Variants in PRRG2 observed in about 807,000 individuals in gnomAD.
The protein encoded by PRRG2 is proline rich and Gla domain 2.
In PRRG2, 23 loss-of-function variants were observed where a neutral mutation model predicts 27.1. The observed-to-expected ratio is 0.85, with a 90% CI of 0.61 to 1.20. PRRG2 has a LOEUF of 1.20. Ranked by LOEUF, PRRG2 falls within the 50% of genes most tolerant of loss-of-function variation. PRRG2 has a pLI of 0.00. For synonymous variants in PRRG2, 104 were observed against 103.4 expected, an observed-to-expected ratio of 1.01 and a Z score of -0.03; for missense variants, 276 against 254.8, an observed-to-expected ratio of 1.08 and a Z score of -0.57.
At chr19:49,584,585 C>A (rs1347508163) in intron 4 of PRRG2, among the ~76,000 whole-genome samples, 1 of 152,200 alleles carries the variant, frequency 6.6e-6, no homozygotes, top group Non-Finnish European at 1.5e-5. Flanking sequence ...CTTCCCACCT[C>A]AGCCTCCTGA....
At chr19:49,587,846 T>C (rs1308252477) in intron 4 of PRRG2, among the ~76,000 whole-genome samples, 1 of 152,140 alleles carries the variant, frequency 6.6e-6, no homozygotes, top group Non-Finnish European at 1.5e-5. Context: ...CTCAAACTCC[T>C]GACCTCAAGT....
chr19:49,582,675 G>T (rs923634110), intron 1 of PRRG2, among the ~76,000 whole-genome samples: 6 of 151,994 alleles, frequency 3.9e-5, no homozygotes, highest in Non-Finnish European at 8.8e-5. Context: ...AGACCATCCT[G>T]ACTAACACAG....
At chr19:49,584,278 C>A (rs2080652138) in intron 4 of PRRG2, among the ~76,000 whole-genome samples, 1 of 150,800 alleles carries the variant, frequency 6.6e-6, no homozygotes, top group African/African-American at 2.4e-5. Context: ...TCACGCCATT[C>A]TCCTGCCTCA....
rs997653555 is a variant in PRRG2, at chr19:49,590,744, C to T, written c.*355C>T. The T allele has an allele frequency of 4.6e-5, 16 of 350,064 alleles. No homozygotes were observed. Among genetic ancestry groups the T allele is most frequent in the Non-Finnish European group, 8.1e-5 (15 of 186,164 alleles). 21.7% of individuals were successfully genotyped at this position (350,064 alleles called of 1,614,324 possible). ...GTATGGGCAGATATGACCTGACAGCCCCCTCCAGTGCCACAGGGTACGCAC... is the reference window on the plus strand; with the variant it reads ...GTATGGGCAGATATGACCTGACAGCTCCCTCCAGTGCCACAGGGTACGCAC... On this transcript the variant is annotated 3_prime_UTR_variant, in exon 7 of 7. Transcript: ENST00000246794.
chr19:49,590,307 C>T (rs2080709528), intron 6 of PRRG2, 64 bp from the exon 7 acceptor site: 1 of 1,612,084 alleles, frequency 6.2e-7, no homozygotes. Flanking sequence ...CGGAGTGGTC[C>T]TGGTTGAAGG....
intron 4 of PRRG2, among the ~76,000 whole-genome samples, chr19:49,586,871 A>AT (rs2080674413): frequency 6.6e-6 from 1 of 151,696 alleles, no homozygotes; most frequent in Non-Finnish European, 1.5e-5. Flanking sequence ...AAAAACCAAC[A>AT]TTTTTTCCCC....
At position 49,583,551 on chromosome 19, in the gene PRRG2, T is replaced by C; in HGVS notation, c.95T>C (p.Leu32Pro). The part of the protein sequence containing the change: ...PSEETDQEVF[L>P]GPPEAQSFLS... Reference sequence around the variant, plus strand: ...ATGTCTTTGGGTCCAGAAGTCTTCCTGGGTCCCCCAGAGGCCCAGAGCTTC... The same window carrying C: ...ATGTCTTTGGGTCCAGAAGTCTTCCCGGGTCCCCCAGAGGCCCAGAGCTTC... Residue 32 changes from leucine (L) to proline (P), a missense_variant, in exon 3 of 7, where the codon CTG becomes CCG. By Grantham distance (98) the Leu-to-Pro change is moderately conservative. Coordinates refer to ENST00000246794, the MANE Select transcript of PRRG2 (RefSeq NM_000951.3). 6.2e-7 allele frequency: 1 copy of C among 1,614,126 alleles called. No homozygotes were observed. Among genetic ancestry groups the C allele is most frequent in the East Asian group, 2.2e-5 (1 of 44,890 alleles).
At chr19:49,589,383 C>A (rs2080696991) in intron 5 of PRRG2, among the ~76,000 whole-genome samples, 1 of 151,142 alleles carries the variant, frequency 6.6e-6, no homozygotes, top group African/African-American at 2.4e-5. Context: ...GCCTTGGCCT[C>A]CCAAAGTGCT....
chr19:49,584,571 C>T (rs1047407839), intron 4 of PRRG2, among the ~76,000 whole-genome samples: 6 of 152,278 alleles, frequency 3.9e-5, no homozygotes, highest in African/African-American at 1.4e-4. Context: ...CGGGCTCAAG[C>T]GATCTTCCCA....
Position 49,583,900 on chromosome 19 carries a change from C to T in PRRG2, c.262-13C>T, listed in dbSNP as rs1381399237. ...TGCTTTTTCCCCTTCTTTTCCACTC[C>T]TTCCCCCTCAAGGAGCGCTTTTGGG... is the stretch of plus-strand genomic sequence containing the variant. On this transcript the variant is annotated splice_polypyrimidine_tract_variant and intron_variant, in intron 3 of 6. Coordinates refer to ENST00000246794, the MANE Select transcript of PRRG2 (RefSeq NM_000951.3). The T allele has an allele frequency of 1.9e-6, 3 of 1,613,650 alleles. No homozygotes were observed. The African/African-American group carries it at 4.0e-5, about 22-fold the overall frequency.
At chr19:49,583,387 C>G in intron 2 of PRRG2, 83 bp downstream of exon 2, 1 of 1,536,022 alleles carries the variant, frequency 6.5e-7, no homozygotes, top group East Asian at 2.2e-5. Flanking sequence ...CTTCCTCTTC[C>G]AGGAGTCCAG....
intron 4 of PRRG2, among the ~76,000 whole-genome samples, chr19:49,586,609 T>C (rs962427086): frequency 3.5e-4 from 54 of 152,142 alleles, no homozygotes; most frequent in Admixed American, 9.2e-4. Flanking sequence ...TCCCAGCACT[T>C]TGGGAGGCCA....
intron 6 of PRRG2, 134 bp from the exon 7 acceptor site, chr19:49,590,237 T>C: frequency 6.8e-7 from 1 of 1,467,474 alleles, no homozygotes; most frequent in Non-Finnish European, 9.5e-7. Flanking sequence ...TGTGGAGCCG[T>C]ATAGGAGGGT....
intron 5 of PRRG2, 135 bp downstream of exon 5, chr19:49,588,767 G>A: frequency 7.8e-6 from 9 of 1,154,934 alleles, no homozygotes; most frequent in Non-Finnish European, 9.3e-6. Context: ...CATTTGGAGA[G>A]TGAGTCTGTG....
At position 49,590,367 on chromosome 19, in the gene PRRG2, G is replaced by T. The variant is rs374269206; in HGVS notation, c.591-4G>T. On this transcript the variant is annotated splice_region_variant and splice_polypyrimidine_tract_variant and intron_variant, in intron 6 of 6. Coordinates refer to ENST00000246794, the MANE Select transcript of PRRG2 (RefSeq NM_000951.3). ...GACTCCCTAGTGTGCCTTTCCTCTT[G>T]CAGCCTCAGGAGGCCTCACTGAAGA... is the stretch of plus-strand genomic sequence containing the variant. The T allele has an allele frequency of 3.1e-6, 5 of 1,614,010 alleles. No homozygotes were observed. The highest frequency in any genetic ancestry group is 4.2e-6 in the Non-Finnish European group (5 of 1,180,018).
chr19:49,588,607 C>G lies in PRRG2; in HGVS notation c.412C>G (p.Arg138Gly), dbSNP rs773057537. 6.5e-7 allele frequency: 1 copy of G among 1,545,496 alleles called. No homozygotes were observed. The highest frequency in any genetic ancestry group is 1.2e-5 in the South Asian group (1 of 83,780). Residue 138 changes from arginine (R) to glycine (G), a missense_variant, in exon 5 of 7, where the codon CGA (arginine) becomes GGA (glycine). Transcript: ENST00000246794. ...AFWYLRWRQH[R>G]GQQPCPQEAG... ...TTGGTATCTGCGCTGGCGACAGCACCGAGGCCAGCAGCCCTGTCCCCAAGA... is the reference window on the plus strand; with the variant it reads ...TTGGTATCTGCGCTGGCGACAGCACGGAGGCCAGCAGCCCTGTCCCCAAGA...
Position 49,590,176 on chromosome 19 carries a change from C to T in PRRG2, c.590+124C>T, listed in dbSNP as rs1005564766. ...CTTACCTGGGGCGGGGCTTGGAGTG[C>T]GGGGGCGGGGCCCCATGCAATGGTC... On this transcript the variant is annotated intron_variant, in intron 6 of 6. Coordinates refer to ENST00000246794, the MANE Select transcript of PRRG2 (RefSeq NM_000951.3). 3.8e-6 allele frequency: 5 copies of T among 1,304,202 alleles called. No homozygotes were observed. The East Asian group carries it at 7.1e-5, about 19-fold the overall frequency. 80.8% of individuals were successfully genotyped at this position (1,304,202 alleles called of 1,614,324 possible).
Position 49,590,472 on chromosome 19 carries a change from C to G in PRRG2, c.*83C>G. 1 of 1,578,772 alleles carries G rather than the reference C, an allele frequency of 6.3e-7. No homozygotes were observed. Among genetic ancestry groups the G allele is most frequent in the South Asian group, 1.1e-5 (1 of 90,082 alleles). On this transcript the variant is annotated 3_prime_UTR_variant, in exon 7 of 7. Coordinates refer to ENST00000246794, the MANE Select transcript of PRRG2 (RefSeq NM_000951.3). Reference sequence around the variant, plus strand: ...GGAAGCCGCTAGGCCTCATAGACGCCGAAGCTGGACTTGGAGTGGGGAATG... The same window carrying G: ...GGAAGCCGCTAGGCCTCATAGACGCGGAAGCTGGACTTGGAGTGGGGAATG...
intron 4 of PRRG2, among the ~76,000 whole-genome samples, chr19:49,587,392 T>A (rs919850757): frequency 7.2e-6 from 1 of 138,804 alleles, no homozygotes; most frequent in Non-Finnish European, 1.5e-5. Flanking sequence ...GGGCAGTGAG[T>A]GGCACAATCT....
Sources: allele counts gnomAD v4.1 joint callset (sites outside exome capture counted in the v4.1 genomes callset), GRCh38; gene constraint gnomAD v4.1.1; transcripts MANE v1.5; gene names NCBI Gene and HGNC (gene_info 2026-07-23, HGNC 2026-07-21).